SALL2: variants seen among roughly 807,000 people sequenced by gnomAD.
The protein encoded by SALL2 is spalt like transcription factor 2, also known as sal-like protein 2.
A neutral mutation model predicts 58.5 loss-of-function variants in SALL2; 32 were observed. That is an observed-to-expected ratio of 0.55 (90% CI 0.41 to 0.74). The LOEUF (loss-of-function observed/expected upper bound fraction) is 0.74. Ranked by LOEUF, SALL2 falls within the 30% of genes least tolerant of loss-of-function variation. The pLI is 0.00. For missense variants in SALL2, 1,201 were observed against 1,268.9 expected (o/e 0.95, Z 0.81); for synonymous variants, 516 against 513.6 (o/e 1.00, Z -0.06).
upstream of SALL2, among the ~76,000 whole-genome samples, chr14:21,530,215 G>T (rs1892419999): frequency 6.6e-6 from 1 of 151,718 alleles, no homozygotes; most frequent in Non-Finnish European, 1.5e-5. Context: ...CCCAGGTATG[G>T]GTATCTTGAA....
upstream of SALL2, among the ~76,000 whole-genome samples, chr14:21,528,714 G>A (rs2139678541): frequency 6.6e-6 from 1 of 152,268 alleles, no homozygotes; most frequent in African/African-American, 2.4e-5. Context: ...GTAATTCAGT[G>A]AAGCAAGCAT....
chr14:21,528,176 T>A (rs537683975), upstream of SALL2, among the ~76,000 whole-genome samples: 35 of 151,580 alleles, frequency 2.3e-4, no homozygotes, highest in African/African-American at 8.0e-4. Flanking sequence ...AATATGTACA[T>A]GTGAGATTTT....
At position 21,525,027 on chromosome 14, in the gene SALL2, G is replaced by C. The variant is rs1224437933; in HGVS notation, c.695C>G (p.Ser232Cys). The change falls in exon 2 of 2, where the codon TCC becomes TGC. Residue 232 changes from serine (S) to cysteine (C), a missense_variant. Coordinates refer to ENST00000537235, the MANE Select transcript of SALL2 (RefSeq NM_001364564.1). This position sits in a 1 kb window ranked among gnomAD's most constrained non-coding sequence, Gnocchi z 4.4. ...SELPGTGTASSTKPLLPLFSP... is the reference protein window; with the variant it reads ...SELPGTGTASCTKPLLPLFSP... ...GAAGAGGGGTAGTAGGGGCTTGGTG[G>C]AAGAGGCAGTCCCTGTCCCAGGTAG... 4.3e-6 allele frequency: 7 copies of C among 1,613,914 alleles called. No individual in the cohort carries two copies. The highest frequency in any genetic ancestry group is 5.9e-6 in the Non-Finnish European group (7 of 1,179,892).
upstream of SALL2, among the ~76,000 whole-genome samples, chr14:21,530,412 C>A (rs915130416): frequency 1.3e-5 from 2 of 151,158 alleles, no homozygotes; most frequent in Admixed American, 6.6e-5. Context: ...CTCAGCCTTC[C>A]CAAGTAGCTG....
chr14:21,530,026 A>G (rs147296919), upstream of SALL2, among the ~76,000 whole-genome samples: 135 of 152,264 alleles, frequency 8.9e-4, no homozygotes, highest in Middle Eastern at 3.4e-3. Flanking sequence ...CTTGGCCACA[A>G]TTGGGACACA....
At position 21,521,828 on chromosome 14, in the gene SALL2, G is replaced by A; in HGVS notation, c.*876C>T. ...ATGAATGAGAAGCTGGAGAGGTCTT[G>A]GCACACTGACCAGCCAAAACCTTTA... On this transcript the variant is annotated 3_prime_UTR_variant, in exon 2 of 2. Coordinates refer to ENST00000537235, the MANE Select transcript of SALL2 (RefSeq NM_001364564.1). The A allele has an allele frequency of 1.6e-6, 1 of 644,556 alleles. No homozygotes were observed. Among genetic ancestry groups the A allele is most frequent in the Non-Finnish European group, 2.6e-6 (1 of 391,172 alleles). 39.9% of individuals were successfully genotyped at this position (644,556 alleles called of 1,614,324 possible). A position where few individuals can be genotyped will look rare whatever the true frequency, so the allele number is the denominator to read the frequency against.
At chr14:21,534,633 G>T (rs1340905333) in intron 1 of SALL2, among the ~76,000 whole-genome samples, 1 of 152,130 alleles carries the variant, frequency 6.6e-6, no homozygotes, top group Non-Finnish European at 1.5e-5. Context: ...GAAGAGGAGA[G>T]AATGCTTCTT....
chr14:21,524,142 G>C lies in SALL2; in HGVS notation c.1580C>G (p.Pro527Arg). ...PKNKADENTP[P>R]GSEGSAISGV... ...ACTGATGGCTGAGCCCTCACTCCCT[G>C]GGGGGGTGTTTTCATCAGCTTTATT... Residue 527 changes from proline (P) to arginine (R), a missense_variant, in exon 2 of 2, where the codon CCA (proline) becomes CGA (arginine). Physicochemically the swap from Pro to Arg is moderately radical, Grantham distance 103. This residue lies in a region of SALL2 where 675 missense variants were observed against 683.8 expected (regional missense o/e 0.99). Coordinates refer to ENST00000537235, the MANE Select transcript of SALL2 (RefSeq NM_001364564.1). 4 of 1,611,616 alleles carry C rather than the reference G, an allele frequency of 2.5e-6. No homozygotes were observed. Among genetic ancestry groups the C allele is most frequent in the Non-Finnish European group, 3.4e-6 (4 of 1,178,644 alleles).
upstream of SALL2, among the ~76,000 whole-genome samples, chr14:21,529,542 G>A (rs2139679368): frequency 6.6e-6 from 1 of 152,056 alleles, no homozygotes; most frequent in East Asian, 1.9e-4. Context: ...TAGGTGCAGT[G>A]GTCTGTTCCT....
At chr14:21,526,555 A>G (rs891625209), upstream of SALL2, 9 of 1,098,550 alleles carry the variant, frequency 8.2e-6, no homozygotes, top group Non-Finnish European at 1.0e-5. Flanking sequence ...CCCCATCTGC[A>G]GATGCCTTTG....
rs749933331 is a variant in SALL2 at position 21,523,693 on chromosome 14, C to T, written c.2029G>A (p.Val677Met). ...STRGNLRAHFVGHKASPAARA... is the reference protein window; with the variant it reads ...STRGNLRAHFMGHKASPAARA... ...GCAGCTGGACTGGCCTTGTGGCCCA[C>T]GAAATGTGCACGCAGATTACCCCTG... The change falls in exon 2 of 2, where the codon GTG becomes ATG. Residue 677 changes from valine (V) to methionine (M), a missense_variant. This residue lies in a region of SALL2 where 675 missense variants were observed against 683.8 expected (regional missense o/e 0.99). Transcript: ENST00000537235. The surrounding 1 kb of genome is among the most constrained non-coding windows in gnomAD (Gnocchi z 4.4). The T allele has an allele frequency of 1.7e-5, 28 of 1,614,070 alleles. No individual in the cohort carries two copies. Among genetic ancestry groups the T allele is most frequent in the South Asian group, 2.2e-5 (2 of 91,090 alleles).
At position 21,525,698 on chromosome 14, in the gene SALL2, G is replaced by A; in HGVS notation, c.68-44C>T. On this transcript the variant is annotated intron_variant, in intron 1 of 1. Coordinates refer to ENST00000537235, the MANE Select transcript of SALL2 (RefSeq NM_001364564.1). The surrounding 1 kb of genome is among the most constrained non-coding windows in gnomAD (Gnocchi z 4.4). ...GAGAGAGCGTGGGTGGCGCAGTTGG[G>A]TTGGGTATACCGAGGCTCTAATTAA... The A allele has an allele frequency of 6.5e-7, 1 of 1,529,964 alleles. No individual in the cohort carries two copies. Among genetic ancestry groups the A allele is most frequent in the Non-Finnish European group, 8.8e-7 (1 of 1,138,720 alleles). The allele number at this position is 1,529,964 out of a possible 1,614,324, so 94.8% of individuals were successfully genotyped here.
chr14:21,526,472 G>A (rs1416502017), upstream of SALL2: 2 of 1,282,884 alleles, frequency 1.6e-6, no homozygotes, highest in African/African-American at 1.5e-5. Context: ...GCTCGGGAGA[G>A]TTTCCGGAGG....
At chr14:21,527,198 G>A (rs913122445), upstream of SALL2, among the ~76,000 whole-genome samples, 1 of 152,072 alleles carries the variant, frequency 6.6e-6, no homozygotes, top group Non-Finnish European at 1.5e-5. Context: ...GCTCTAACCT[G>A]GGGGGGAGGG....
rs970020165 is a variant in SALL2, at chr14:21,526,284, A to C, written c.-157T>G. 1.2e-5 allele frequency: 14 copies of C among 1,178,826 alleles called. No homozygotes were observed. In the African/African-American group the frequency reaches 1.6e-4, roughly 14 times the overall value. 73.0% of individuals were successfully genotyped at this position (1,178,826 alleles called of 1,614,324 possible). On this transcript the variant is annotated 5_prime_UTR_variant, in exon 1 of 2. Transcript: ENST00000537235. ...CGGCGGGGGCAGGGAGCAGCGGCGG[A>C]GGGGGAGGGGAGCGAGGAGGCGGGG...
chr14:21,531,344 C>T (rs969606638), upstream of SALL2, among the ~76,000 whole-genome samples: 8 of 152,224 alleles, frequency 5.3e-5, no homozygotes, highest in East Asian at 1.9e-4. Flanking sequence ...GTTAAAGTCC[C>T]AGCTCTAGAA....
chr14:21,525,432 G>T lies in SALL2; in HGVS notation c.290C>A (p.Pro97His), dbSNP rs747794968. 3.7e-6 allele frequency: 6 copies of T among 1,613,958 alleles called. No homozygotes were observed. The highest frequency in any genetic ancestry group is 5.1e-6 in the Non-Finnish European group (6 of 1,179,926). The part of the protein sequence containing the change: ...PQVMDTEHSN[P>H]PDSGSSVPTD... The stretch of plus-strand genomic sequence containing the variant: ...GGGCACGGAGGACCCAGAATCTGGG[G>T]GGTTGCTATGCTCTGTGTCCATGAC... The change falls in exon 2 of 2, where the codon CCC (proline) becomes CAC (histidine). Residue 97 changes from proline (P) to histidine (H), a missense_variant. Around this residue, in one of 3 missense-constraint regions of SALL2, gnomAD observed 467 missense variants for 468.9 expected, o/e 1.00. Transcript: ENST00000537235. This position sits in a 1 kb window ranked among gnomAD's most constrained non-coding sequence, Gnocchi z 4.4.
At chr14:21,530,519 C>T (rs151022831), upstream of SALL2, among the ~76,000 whole-genome samples, 1 of 152,214 alleles carries the variant, frequency 6.6e-6, no homozygotes, top group East Asian at 1.9e-4. Context: ...AACTCCCGAC[C>T]TCAGGTGATC....
chr14:21,523,748 T>C lies in SALL2; in HGVS notation c.1974A>G (p.Lys658=). Residue 658 remains lysine (K), a synonymous_variant, in exon 2 of 2, where the codon AAA becomes AAG. Transcript: ENST00000537235. This position sits in a 1 kb window ranked among gnomAD's most constrained non-coding sequence, Gnocchi z 4.4. ...AGAAGGCTCTGCCACACACTTTGCA[T>C]TTGAAGGGCCTCTCACCTCCATGTT... The part of the protein sequence containing the change: ...YGQHGGERPF[K]CKVCGRAFST... 6.2e-7 allele frequency: 1 copy of C among 1,614,174 alleles called. No homozygotes were observed. The highest frequency in any genetic ancestry group is 8.5e-7 in the Non-Finnish European group (1 of 1,180,036).
Sources: gnomAD v4.1 joint callset for allele counts (sites outside exome capture counted in the v4.1 genomes callset) on GRCh38, gnomAD v4.1.1 for gene constraint, gnomAD v4.1.1 regional missense constraint, Gnocchi (gnomAD v3.1) non-coding constraint, MANE v1.5 for transcripts, NCBI Gene and HGNC (gene_info 2026-07-23, HGNC 2026-07-21) for gene names.